Variants in KIF16B observed in about 807,000 individuals in gnomAD.
The protein encoded by KIF16B is kinesin family member 16B.
In KIF16B, 98 loss-of-function variants were observed where a neutral mutation model predicts 156.3. That is an observed-to-expected ratio of 0.63 (90% CI 0.53 to 0.74). KIF16B has a LOEUF of 0.74. Ranked by LOEUF, KIF16B falls within the 30% of genes least tolerant of loss-of-function variation. The pLI is 0.00. For synonymous variants in KIF16B, 564 were observed against 583.7 expected (o/e 0.97, Z 0.49); for missense variants, 1,421 against 1,606.5 (o/e 0.88, Z 1.97).
At chr20:16,572,540 G>C (rs1039068980) in intron 1 of KIF16B, among the ~76,000 whole-genome samples, 2 of 152,234 alleles carry the variant, frequency 1.3e-5, no homozygotes. Context: ...TCATTGAAAA[G>C]GGAGCACAGG....
intron 24 of KIF16B, among the ~76,000 whole-genome samples, chr20:16,324,359 C>T (rs1170333053): frequency 6.6e-6 from 1 of 151,924 alleles, no homozygotes; most frequent in African/African-American, 2.4e-5. Flanking sequence ...GAACCTTGCC[C>T]CATGTCCTAA....
At chr20:16,572,865 G>C (rs778105867) in intron 1 of KIF16B, among the ~76,000 whole-genome samples, 1 of 138,656 alleles carries the variant, frequency 7.2e-6, no homozygotes, top group Non-Finnish European at 1.5e-5. Flanking sequence ...AGAAATGAGG[G>C]GTTCACCTGA....
Position 16,379,710 on chromosome 20 carries a change from A to G in KIF16B, c.2292T>C (p.His764=). The change falls in exon 19 of 26, where the codon CAT becomes CAC. Residue 764 remains histidine (H), a synonymous_variant. Transcript: ENST00000354981. ...QEKEQVMLVA[H]LEEQLREKQE... ...GCTTCTCTCGGAGCTGCTCTTCCAG[A>G]TGGGCCACGAGCATGACCTGCTCCT... The G allele has an allele frequency of 3.1e-6, 5 of 1,613,988 alleles. No individual in the cohort carries two copies. The highest frequency in any genetic ancestry group is 4.2e-6 in the Non-Finnish European group (5 of 1,179,996).
chr20:16,386,438 T>TGGGCTG (rs1337446898), intron 17 of KIF16B, among the ~76,000 whole-genome samples: 6 of 151,910 alleles, frequency 3.9e-5, no homozygotes, highest in Admixed American at 6.6e-5. Flanking sequence ...AGACCTTTGC[T>TGGGCTG]GGGCTGGGGC....
intron 3 of KIF16B, among the ~76,000 whole-genome samples, chr20:16,519,435 A>G (rs2069255000): frequency 6.6e-6 from 1 of 152,162 alleles, no homozygotes; most frequent in African/African-American, 2.4e-5. Flanking sequence ...CAGATGTTTG[A>G]TTCAGTATCT....
chr20:16,419,821 A>G (rs2066180946), intron 15 of KIF16B, among the ~76,000 whole-genome samples: 1 of 152,186 alleles, frequency 6.6e-6, no homozygotes, highest in East Asian at 1.9e-4. Flanking sequence ...TGTTTCAATT[A>G]CAATGCATCT....
chr20:16,384,175 T>C (rs545672667), intron 17 of KIF16B, among the ~76,000 whole-genome samples: 1 of 152,224 alleles, frequency 6.6e-6, no homozygotes, highest in African/African-American at 2.4e-5. Context: ...AAGTGACATT[T>C]TAACTGAGCA....
intron 25 of KIF16B, among the ~76,000 whole-genome samples, chr20:16,287,795 T>G (rs2063247775): frequency 6.6e-6 from 1 of 152,154 alleles, no homozygotes. Flanking sequence ...CAAAACCTGC[T>G]TTTCTCCAGA....
chr20:16,421,888 C>T (rs1233013971), intron 15 of KIF16B, among the ~76,000 whole-genome samples: 2 of 152,076 alleles, frequency 1.3e-5, no homozygotes, highest in Non-Finnish European at 2.9e-5. Flanking sequence ...TGGCACCATG[C>T]TAATAAAACA....
chr20:16,454,793 T>C (rs1259920332), intron 12 of KIF16B, among the ~76,000 whole-genome samples: 2 of 152,138 alleles, frequency 1.3e-5, no homozygotes, highest in Non-Finnish European at 2.9e-5. Flanking sequence ...TGAAATCGAA[T>C]AAATACAAAC....
At position 16,380,099 on chromosome 20, in the gene KIF16B, G is replaced by C; in HGVS notation, c.1903C>G (p.Gln635Glu). ...TCCTTGCGCTGGGTCTCCACCTCCT[G>C]CTGCATCCGCTCCAGTTCAGCCTTG... ...SDKAELERMQ[Q>E]EVETQRKETE... Residue 635 changes from glutamine to glutamate, a missense_variant, in exon 19 of 26, where the codon CAG becomes GAG. Gln to Glu is a conservative substitution (Grantham distance 29). Coordinates refer to ENST00000354981, the MANE Select transcript of KIF16B (RefSeq NM_024704.5). 3 of 1,527,676 alleles carry C rather than the reference G, an allele frequency of 2.0e-6. No homozygotes were observed. The highest frequency in any genetic ancestry group is 2.6e-6 in the Non-Finnish European group (3 of 1,142,804). 94.6% of individuals were successfully genotyped at this position (1,527,676 alleles called of 1,614,324 possible).
In KIF16B at chr20:16,427,197, T is replaced by C. The variant is rs1568969332; in HGVS notation, c.1519A>G (p.Asn507Asp). ...DLESEHCIFE[N>D]IGGTVTLIPL... ...ATCAGAGTCACTGTCCCCCCGATAT[T>C]TTCAAAGATGCAATGCTCACTCTCC... The change falls in exon 15 of 26, where the codon AAT becomes GAT. Residue 507 changes from asparagine to aspartate, a missense_variant. Transcript: ENST00000354981. The C allele has an allele frequency of 1.2e-6, 2 of 1,612,924 alleles. No individual in the cohort carries two copies. Among genetic ancestry groups the C allele is most frequent in the Non-Finnish European group, 1.7e-6 (2 of 1,179,336 alleles).
chr20:16,390,294 T>A (rs2065333790), intron 17 of KIF16B, among the ~76,000 whole-genome samples: 1 of 152,150 alleles, frequency 6.6e-6, no homozygotes, highest in East Asian at 1.9e-4. Flanking sequence ...AATAATAAAA[T>A]TTGATATCAT....
chr20:16,345,088 C>T (rs963537587), intron 23 of KIF16B, among the ~76,000 whole-genome samples: 2 of 152,166 alleles, frequency 1.3e-5, no homozygotes, highest in African/African-American at 2.4e-5. Flanking sequence ...CCTCCTCTCT[C>T]GTCTGCACTC....
At chr20:16,348,564 G>A (rs1036384936) in intron 23 of KIF16B, among the ~76,000 whole-genome samples, 11 of 152,184 alleles carry the variant, frequency 7.2e-5, no homozygotes, top group African/African-American at 2.7e-4. Context: ...AGGGCAGTGC[G>A]GTCCAGTGCA....
intron 15 of KIF16B, among the ~76,000 whole-genome samples, chr20:16,421,980 T>C (rs752933356): frequency 6.6e-6 from 1 of 152,082 alleles, no homozygotes; most frequent in Non-Finnish European, 1.5e-5. Context: ...CGAGGAAAAG[T>C]CGTATCTTCA....
At chr20:16,433,352 C>T (rs560116304) in intron 12 of KIF16B, among the ~76,000 whole-genome samples, 2 of 151,756 alleles carry the variant, frequency 1.3e-5, no homozygotes, top group East Asian at 3.9e-4. Context: ...TAGACAATAA[C>T]CCCCCACCCC....
At chr20:16,535,197 G>A (rs1473778007) in intron 1 of KIF16B, among the ~76,000 whole-genome samples, 2 of 152,058 alleles carry the variant, frequency 1.3e-5, no homozygotes, top group African/African-American at 2.4e-5. Context: ...AGTTTTCCTT[G>A]AAGAGATCTT....
intron 23 of KIF16B, 116 bp downstream of exon 23, chr20:16,356,213 AT>A (rs1186071724): frequency 7.5e-7 from 1 of 1,339,386 alleles, no homozygotes; most frequent in Admixed American, 2.1e-5. Flanking sequence ...AAGACCAAAT[AT>A]TTTACAAACA....
Sources: allele counts gnomAD v4.1 joint callset (sites outside exome capture counted in the v4.1 genomes callset), GRCh38; gene constraint gnomAD v4.1.1; transcripts MANE v1.5; gene names NCBI Gene and HGNC (gene_info 2026-07-23, HGNC 2026-07-21).